IRF7: variants seen among roughly 807,000 people sequenced by gnomAD.
IRF7 encodes the protein interferon regulatory factor 7, also known as interferon regulatory factor-7H.
IRF7 carries 67 observed loss-of-function variants against 51.3 expected under a neutral mutation model. That is an observed-to-expected ratio of 1.31 (90% CI 1.07 to 1.60). IRF7 has a LOEUF of 1.60. Among genes scored for constraint, IRF7 ranks in the 40% most tolerant of loss-of-function variants. The pLI, the probability that IRF7 is intolerant of heterozygous loss-of-function variation, is 0.00. For missense variants in IRF7, 873 were observed against 701.5 expected (o/e 1.24, Z -2.76); for synonymous variants, 427 against 301.3 (o/e 1.42, Z -4.32).
In IRF7 at chr11:613,035, A is replaced by G. The variant is rs1302421672; in HGVS notation, c.1320T>C (p.Ala440=). 3 of 1,613,102 alleles carry G rather than the reference A, an allele frequency of 1.9e-6. No homozygotes were observed. The highest frequency in any genetic ancestry group is 1.3e-5 in the African/African-American group (1 of 75,040). The change falls in exon 10 of 11, where the codon GCT becomes GCC. Residue 440 remains alanine (A), a synonymous_variant. Transcript: ENST00000525445. Reference sequence around the variant, plus strand: ...CCAGGCTCTTCTCCTTGGGCCTCCCAGCTGACAGGTCCTGCCCGAAGCCCA... The same window carrying G: ...CCAGGCTCTTCTCCTTGGGCCTCCCGGCTGACAGGTCCTGCCCGAAGCCCA... The part of the protein sequence containing the change: ...IYLGFGQDLS[A]GRPKEKSLVL...
chr11:614,685 G>T, intron 4 of IRF7, 112 bp downstream of exon 4: 2 of 1,390,678 alleles, frequency 1.4e-6, no homozygotes, highest in Non-Finnish European at 1.9e-6. Flanking sequence ...TCCTGGGCCT[G>T]CTGGCAGCCT....
Position 615,264 on chromosome 11 carries a change from G to A in IRF7, c.21-5C>T, listed in dbSNP as rs769720101. ...AACAGCACGCGTGGGGCTGCCCTGC[G>A]GGTGCCCGGCCGCGGAGAGTCAGGG... On this transcript the variant is annotated splice_polypyrimidine_tract_variant and splice_region_variant and intron_variant, in intron 2 of 10. Transcript: ENST00000525445. 3.8e-6 allele frequency: 6 copies of A among 1,581,202 alleles called. No homozygotes were observed. The South Asian group carries it at 5.6e-5, about 15-fold the overall frequency.
At chr11:613,617 A>G in intron 8 of IRF7, 22 bp from the exon 9 acceptor site, 5 of 1,192,850 alleles carry the variant, frequency 4.2e-6, no homozygotes, top group Non-Finnish European at 5.4e-6. Flanking sequence ...CCAAGCTGTG[A>G]GTGACGGGGG....
intron 1 of IRF7, 52 bp from the exon 2 acceptor site, chr11:615,699 C>T (rs1051870967): frequency 8.0e-6 from 3 of 376,128 alleles, no homozygotes; most frequent in Non-Finnish European, 9.5e-6. Flanking sequence ...CCCGGGAAAG[C>T]GAAACCTAAA....
chr11:614,190 A>T lies in IRF7; in HGVS notation c.663T>A (p.Thr221=). 1 of 1,611,526 alleles carries T rather than the reference A, an allele frequency of 6.2e-7. No homozygotes were observed. The highest frequency in any genetic ancestry group is 8.5e-7 in the Non-Finnish European group (1 of 1,179,434). Residue 221 remains threonine, a synonymous_variant, in exon 6 of 11, where the codon ACT becomes ACA. Transcript: ENST00000525445. The part of the protein sequence containing the change: ...PGEGQEGLPL[T]GACAGGPGLP... The stretch of plus-strand genomic sequence containing the variant: ...CGCCCACACCTCCAGCACAGGCCCC[A>T]GTCAGGGGAAGCCCTTCTTGTCCCT...
Position 613,337 on chromosome 11 carries a change from C to T in IRF7, c.1106G>A (p.Arg369Gln), listed in dbSNP as rs765147452. Reference sequence around the variant, plus strand: ...GTACACCTTGCACTTGCCCATGCGCCGGGCCCACAGCTGTGGCCCCCGAAG... The same window carrying T: ...GTACACCTTGCACTTGCCCATGCGCTGGGCCCACAGCTGTGGCCCCCGAAG... The part of the protein sequence containing the change: ...LELRGPQLWA[R>Q]RMGKCKVYWE... The change falls in exon 9 of 11, where the codon CGG becomes CAG. Residue 369 changes from arginine (R) to glutamine (Q), a missense_variant. Coordinates refer to ENST00000525445, the MANE Select transcript of IRF7 (RefSeq NM_001572.5). 110 of 1,611,580 alleles carry T rather than the reference C, an allele frequency of 6.8e-5. No homozygotes were observed. The Middle Eastern group carries it at 1.2e-3, about 17-fold the overall frequency.
At position 613,584 on chromosome 11, in the gene IRF7, C is replaced by G. The variant is rs764449303; in HGVS notation, c.859G>C (p.Gly287Arg). The G allele has an allele frequency of 6.6e-7, 1 of 1,511,804 alleles. No individual in the cohort carries two copies. The highest frequency in any genetic ancestry group is 1.4e-5 in the African/African-American group (1 of 71,842). The allele number at this position is 1,511,804 out of a possible 1,614,324, so 93.6% of individuals were successfully genotyped here. Residue 287 changes from glycine (G) to arginine (R), a missense_variant, in exon 9 of 11, where the codon GGG becomes CGG. Coordinates refer to ENST00000525445, the MANE Select transcript of IRF7 (RefSeq NM_001572.5). ...TACATGATGGTCACGTCCAGCGCCC[C>G]TGGGCTGGGCTCTGTGTGGAGACCA... is the stretch of plus-strand genomic sequence containing the variant. ...ACTAVQEPSP[G>R]ALDVTIMYKG...
In IRF7 at chr11:614,349, GGCTTGGAGTCCA is replaced by G. The variant is rs1390038516; in HGVS notation, c.492_503del (p.Gly165_Ala168del). On this transcript the variant is annotated inframe_deletion, in exon 6 of 11. Transcript: ENST00000525445. ...CAGCTGGGGCAGGGAGGGGGCCTGGGGCTTGGAGTCCAGCATGTGTGTGTGCCAGGAATGGCC... is the reference window on the plus strand; with the variant it reads ...CAGCTGGGGCAGGGAGGGGGCCTGGGGCATGTGTGTGTGCCAGGAATGGCC... 11 of 1,610,256 alleles carry G rather than the reference GGCTTGGAGTCCA, an allele frequency of 6.8e-6. No individual in the cohort carries two copies. Among genetic ancestry groups the G allele is most frequent in the Non-Finnish European group, 8.5e-6 (10 of 1,179,212 alleles).
Position 613,593 on chromosome 11 carries a change from GCT to G in IRF7, c.848_849del (p.Glu283AlafsTer118), listed in dbSNP as rs1856584601. 1 of 1,548,176 alleles carries G rather than the reference GCT, an allele frequency of 6.5e-7. No homozygotes were observed. Among genetic ancestry groups the G allele is most frequent in the Non-Finnish European group, 8.7e-7 (1 of 1,152,472 alleles). ...GTCACGTCCAGCGCCCCTGGGCTGG[GCT>G]CTGTGTGGAGACCAAGCTGTGAGTG... ...PSPSACTAVQ[E>X]PSPGALDVTI... On this transcript the variant is annotated frameshift_variant and splice_region_variant, in exon 9 of 11. Transcript: ENST00000525445. LOFTEE classifies it high-confidence loss of function.
At position 614,372 on chromosome 11, in the gene IRF7, G is replaced by T. The variant is rs1856690747; in HGVS notation, c.481C>A (p.His161Asn). 4 of 1,608,586 alleles carry T rather than the reference G, an allele frequency of 2.5e-6. No homozygotes were observed. Among genetic ancestry groups the T allele is most frequent in the Non-Finnish European group, 3.4e-6 (4 of 1,178,310 alleles). ...GGGGCTTGGAGTCCAGCATGTGTGT[G>T]TGCCAGGAATGGCCCTGGGGGCCCA... ...QGGPPGPFLA[H>N]THAGLQAPGP... is the part of the protein sequence containing the mutation. The change falls in exon 6 of 11, where the codon CAC becomes AAC. Residue 161 changes from histidine (H) to asparagine (N), a missense_variant. Transcript: ENST00000525445.
In IRF7 at chr11:614,467, G is replaced by A. The variant is rs1856697423; in HGVS notation, c.453+9C>T. ...TGGCAGGAGGAGAGGCAGGCAGAGA[G>A]AAGGGTACCTGTGGTGGTGGGACAG... On this transcript the variant is annotated intron_variant, in intron 5 of 10. Coordinates refer to ENST00000525445, the MANE Select transcript of IRF7 (RefSeq NM_001572.5). 1 of 1,568,978 alleles carries A rather than the reference G, an allele frequency of 6.4e-7. No individual in the cohort carries two copies. Among genetic ancestry groups the A allele is most frequent in the African/African-American group, 1.3e-5 (1 of 74,114 alleles).
rs1856672840 is a variant in IRF7, at chr11:614,200, A to G, written c.653T>C (p.Leu218Pro). The G allele has an allele frequency of 6.2e-7, 1 of 1,612,900 alleles. No homozygotes were observed. The highest frequency in any genetic ancestry group is 1.1e-5 in the South Asian group (1 of 91,068). Residue 218 changes from leucine (L) to proline (P), a missense_variant, in exon 6 of 11, where the codon CTT (leucine) becomes CCT (proline). Transcript: ENST00000525445. Reference sequence around the variant, plus strand: ...TCCAGCACAGGCCCCAGTCAGGGGAAGCCCTTCTTGTCCCTCTCCAGGAGC... The same window carrying G: ...TCCAGCACAGGCCCCAGTCAGGGGAGGCCCTTCTTGTCCCTCTCCAGGAGC... ...TKAPGEGQEGLPLTGACAGGP... is the reference protein window; with the variant it reads ...TKAPGEGQEGPPLTGACAGGP...
At position 614,225 on chromosome 11, in the gene IRF7, C is replaced by A. The variant is rs1490026284; in HGVS notation, c.628G>T (p.Ala210Ser). 6.2e-7 allele frequency: 1 copy of A among 1,613,112 alleles called. No individual in the cohort carries two copies. The highest frequency in any genetic ancestry group is 2.2e-5 in the East Asian group (1 of 44,866). Reference protein sequence around the residue: ...SWGADPVPTKAPGEGQEGLPL... With the variant: ...SWGADPVPTKSPGEGQEGLPL... ...AGCCCTTCTTGTCCCTCTCCAGGAG[C>A]CTTGGTTGGGACTGGATCTGCCCCC... Residue 210 changes from alanine (A) to serine (S), a missense_variant, in exon 6 of 11, where the codon GCT becomes TCT. Physicochemically the swap from Ala to Ser is moderately conservative, Grantham distance 99. Transcript: ENST00000525445.
Position 613,948 on chromosome 11 carries a change from C to G in IRF7, c.766+3G>C. On this transcript the variant is annotated splice_donor_region_variant and intron_variant, in intron 7 of 10. Coordinates refer to ENST00000525445, the MANE Select transcript of IRF7 (RefSeq NM_001572.5). Reference sequence around the variant, plus strand: ...CAGGCCTCCCAACCCCTACCCCTCTCACCTGTCGTTAGTGCCGCGGGCTGG... The same window carrying G: ...CAGGCCTCCCAACCCCTACCCCTCTGACCTGTCGTTAGTGCCGCGGGCTGG... The G allele has an allele frequency of 1.2e-6, 2 of 1,606,516 alleles. No individual in the cohort carries two copies. Among genetic ancestry groups the G allele is most frequent in the Middle Eastern group, 1.7e-4 (1 of 6,030 alleles).
Position 615,435 on chromosome 11 carries a change from G to A in IRF7, c.-71C>T. 2.1e-6 allele frequency: 3 copies of A among 1,434,012 alleles called. No individual in the cohort carries two copies. Among genetic ancestry groups the A allele is most frequent in the South Asian group, 2.9e-5 (2 of 69,034 alleles). 88.8% of individuals were successfully genotyped at this position (1,434,012 alleles called of 1,614,324 possible). On this transcript the variant is annotated 5_prime_UTR_variant, in exon 2 of 11. Coordinates refer to ENST00000525445, the MANE Select transcript of IRF7 (RefSeq NM_001572.5). Reference sequence around the variant, plus strand: ...AGGGGAGGTAAGGGCTCCTGTCGCAGCAGACGCCAGGCCGCGGCCACAGGT... The same window carrying A: ...AGGGGAGGTAAGGGCTCCTGTCGCAACAGACGCCAGGCCGCGGCCACAGGT...
Position 613,783 on chromosome 11 carries a change from A to G in IRF7, c.847+2T>C, listed in dbSNP as rs1419858086. On this transcript the variant is annotated splice_donor_variant, in intron 8 of 10. Transcript: ENST00000525445. LOFTEE classifies it high-confidence loss of function. ...GGCTGCCCCTTCCTGGGATGCACTC[A>G]CCTTGCACCGCGGTGCAGGCGCTTG... The G allele has an allele frequency of 1.3e-6, 2 of 1,552,136 alleles. No homozygotes were observed. The highest frequency in any genetic ancestry group is 1.4e-5 in the African/African-American group (1 of 71,762).
rs1034388681 is a variant in IRF7 at position 613,975 on chromosome 11, G to T, written c.742C>A (p.Pro248Thr). 17 of 1,606,564 alleles carry T rather than the reference G, an allele frequency of 1.1e-5. No homozygotes were observed. The African/African-American group carries it at 1.9e-4, about 18-fold the overall frequency. The change falls in exon 7 of 11, where the codon CCC (proline) becomes ACC (threonine). Residue 248 changes from proline to threonine, a missense_variant. Pro to Thr is a conservative substitution (Grantham distance 38). Transcript: ENST00000525445. Reference sequence around the variant, plus strand: ...CCTGTCGTTAGTGCCGCGGGCTGGGGCCCGGGGCTGGGGGTCGTCTCTACT... The same window carrying T: ...CCTGTCGTTAGTGCCGCGGGCTGGGTCCCGGGGCTGGGGGTCGTCTCTACT... ...WAVETTPSPG[P>T]QPAALTTGEA... is the part of the protein sequence containing the mutation.
Position 612,620 on chromosome 11 carries a change from T to G in IRF7, c.*25A>C. 6.2e-7 allele frequency: 1 copy of G among 1,610,488 alleles called. No homozygotes were observed. The highest frequency in any genetic ancestry group is 1.3e-5 in the African/African-American group (1 of 75,016). On this transcript the variant is annotated 3_prime_UTR_variant, in exon 11 of 11. Coordinates refer to ENST00000525445, the MANE Select transcript of IRF7 (RefSeq NM_001572.5). The stretch of plus-strand genomic sequence containing the variant: ...AGCTCTAGGTGGGCTGCTCCAGCTT[T>G]CTGGAGTTCTCATTAGACTGGGTTC...
rs759798143 is a variant in IRF7 at position 614,944 on chromosome 11, C to A, written c.247G>T (p.Ala83Ser). The change falls in exon 4 of 11, where the codon GCT becomes TCT. Residue 83 changes from alanine to serine, a missense_variant. By Grantham distance (99) the Ala-to-Ser change is moderately conservative. Coordinates refer to ENST00000525445, the MANE Select transcript of IRF7 (RefSeq NM_001572.5). ...SSRGGGPPPE[A>S]ETAERAGWKT... Reference sequence around the variant, plus strand: ...CAGCCGGCGCGCTCCGCAGTCTCAGCCTCGGGGGGCGGGCCACCTCCCCTG... The same window carrying A: ...CAGCCGGCGCGCTCCGCAGTCTCAGACTCGGGGGGCGGGCCACCTCCCCTG... The A allele has an allele frequency of 1.3e-5, 20 of 1,570,906 alleles. No homozygotes were observed. In the Admixed American group the frequency reaches 3.6e-4, roughly 28 times the overall value.
Sources: allele counts gnomAD v4.1 joint callset, GRCh38; gene constraint gnomAD v4.1.1; transcripts MANE v1.5; gene names NCBI Gene and HGNC (gene_info 2026-07-23, HGNC 2026-07-21).